Variants in UGT1A9 observed in about 807,000 individuals in gnomAD.
UGT1A9 encodes the protein UDP glucuronosyltransferase family 1 member A9.
Under a neutral mutation model 45.0 loss-of-function variants are expected in UGT1A9, and 35 were observed. That is an observed-to-expected ratio of 0.78 (90% confidence interval 0.59 to 1.03). The LOEUF is 1.03. Among genes scored for constraint, UGT1A9 ranks in the 50% least tolerant of loss-of-function variants. UGT1A9 has a pLI of 0.00. For missense variants in UGT1A9, 687 were observed against 666.6 expected (o/e 1.03, Z -0.34); for synonymous variants, 278 against 250.6 (o/e 1.11, Z -1.03).
At chr2:233,697,112 T>C (rs1309108464) in intron 1 of UGT1A9, among the ~76,000 whole-genome samples, 2 of 152,140 alleles carry the variant, frequency 1.3e-5, no homozygotes, top group African/African-American at 2.4e-5. Context: ...TTGGAAGTAT[T>C]CTCTCCTCTT....
chr2:233,718,010 G>A lies in UGT1A9; in HGVS notation c.855+45221G>A, dbSNP rs28898608. On this transcript the variant is annotated intron_variant, in intron 1 of 4. Transcript: ENST00000354728. ...CAGACTGTGCAAGATCTGAGGCCAG[G>A]CTCCAGCTCCCCAGGTCCTTTGGTG... The A allele has an allele frequency of 4.4e-3, 1,784 of 402,414 alleles. 38 individuals carry two copies. Among genetic ancestry groups the A allele is most frequent in the African/African-American group, 0.033 (1,616 of 48,364 alleles). The allele number at this position is 402,414 out of a possible 1,614,324, so 24.9% of individuals were successfully genotyped here. A position where few individuals can be genotyped will look rare whatever the true frequency, so the allele number is the denominator to read the frequency against.
intron 1 of UGT1A9, among the ~76,000 whole-genome samples, chr2:233,680,544 G>A (rs10197460): frequency 1.3e-5 from 2 of 151,952 alleles, no homozygotes; most frequent in South Asian, 4.2e-4. Flanking sequence ...AATCCCTCAC[G>A]AAATGCTCCT....
At chr2:233,734,096 T>G (rs1379771064) in intron 1 of UGT1A9, among the ~76,000 whole-genome samples, 5 of 151,518 alleles carry the variant, frequency 3.3e-5, no homozygotes, top group African/African-American at 9.8e-5. Context: ...CCCTAAAACT[T>G]AAAGTATAAT....
At position 233,768,314 on chromosome 2, in the gene UGT1A9, G is replaced by T. The variant is rs1430980091; in HGVS notation, c.1170G>T (p.Leu390Phe). The T allele has an allele frequency of 6.2e-7, 1 of 1,614,062 alleles. No individual in the cohort carries two copies. The highest frequency in any genetic ancestry group is 8.5e-7 in the Non-Finnish European group (1 of 1,180,048). Residue 390 changes from leucine (L) to phenylalanine (F), a missense_variant, in exon 4 of 5, where the codon TTG becomes TTT. Leu to Phe is a conservative substitution (Grantham distance 22). Transcript: ENST00000354728. ...CNGVPMVMMP[L>F]FGDQMDNAKR... is the part of the protein sequence containing the mutation. ...GCGTTCCCATGGTGATGATGCCCTT[G>T]TTTGGTGATCAGATGGACAATGCAA...
chr2:233,678,743 A>G (rs1467828887), intron 1 of UGT1A9, among the ~76,000 whole-genome samples: 1 of 148,264 alleles, frequency 6.7e-6, no homozygotes, highest in Non-Finnish European at 1.5e-5. Flanking sequence ...CTGATTGGAA[A>G]GCACTCATCT....
rs745603293 is a variant in UGT1A9, at chr2:233,772,357, G to A, written c.1391G>A (p.Arg464Lys). Residue 464 changes from arginine (R) to lysine (K), a missense_variant, in exon 5 of 5, where the codon AGG becomes AAG. Coordinates refer to ENST00000354728, the MANE Select transcript of UGT1A9 (RefSeq NM_021027.3). ...LAVFWVEFVM[R>K]HKGAPHLRPA... The stretch of plus-strand genomic sequence containing the variant: ...GTGTTCTGGGTGGAGTTTGTGATGA[G>A]GCACAAGGGCGCGCCACACCTGCGC... The A allele has an allele frequency of 1.4e-5, 22 of 1,614,268 alleles. No individual in the cohort carries two copies. The highest frequency in any genetic ancestry group is 1.8e-5 in the Non-Finnish European group (21 of 1,180,054).
intron 1 of UGT1A9, chr2:233,692,920 GT>G: frequency 6.4e-7 from 1 of 1,571,834 alleles, no homozygotes; most frequent in Non-Finnish European, 8.6e-7. Flanking sequence ...AAAAGCAGTG[GT>G]TAGTTTAGGG....
At chr2:233,751,729 C>G (rs1442411823) in intron 1 of UGT1A9, among the ~76,000 whole-genome samples, 1 of 152,154 alleles carries the variant, frequency 6.6e-6, no homozygotes, top group South Asian at 2.1e-4. Flanking sequence ...TGAACTCTTC[C>G]TCTCTGTTTC....
At chr2:233,760,458 A>C (rs1336419159) in intron 1 of UGT1A9, 1 of 1,614,212 alleles carries the variant, frequency 6.2e-7, no homozygotes, top group South Asian at 1.1e-5. Context: ...GACATGAAAT[A>C]GTTGTCCTAG....
chr2:233,739,341 C>T (rs1254802049), intron 1 of UGT1A9, among the ~76,000 whole-genome samples: 1 of 152,148 alleles, frequency 6.6e-6, no homozygotes, highest in Non-Finnish European at 1.5e-5. Flanking sequence ...TCCTTCAGAA[C>T]CCAGAAGGGC....
Position 233,760,677 on chromosome 2 carries a change from A to T in UGT1A9, c.856-6357A>T, listed in dbSNP as rs555950591. 1.9e-6 allele frequency: 3 copies of T among 1,614,148 alleles called. No individual in the cohort carries two copies. The African/African-American group carries it at 4.0e-5, about 22-fold the overall frequency. On this transcript the variant is annotated intron_variant, in intron 1 of 4. Transcript: ENST00000354728. ...TGCTTTTGTCTGGCTGTTCCCACTT[A>T]CTGCACAACAAGGAGCTCATGGCCT...
At chr2:233,718,734 T>C (rs2076679363) in intron 1 of UGT1A9, 3 of 1,611,626 alleles carry the variant, frequency 1.9e-6, no homozygotes, top group Non-Finnish European at 2.5e-6. Context: ...GCTAGGTGGC[T>C]CAATGACAAG....
At chr2:233,761,005 A>G (rs1292729265) in intron 1 of UGT1A9, 1 of 1,614,128 alleles carries the variant, frequency 6.2e-7, no homozygotes, top group South Asian at 1.1e-5. Context: ...ATTCCTTCAG[A>G]GAGAGGTGAC....
chr2:233,770,092 A>G (rs969996398), intron 4 of UGT1A9: 1 of 152,744 alleles, frequency 6.5e-6, no homozygotes, highest in Non-Finnish European at 1.5e-5. Flanking sequence ...AGTGGTATAG[A>G]TAACTACTTG....
chr2:233,715,826 A>AT (rs1221797206), intron 1 of UGT1A9, among the ~76,000 whole-genome samples: 3 of 152,148 alleles, frequency 2.0e-5, no homozygotes, highest in African/African-American at 4.8e-5. Flanking sequence ...GTTAGAAAAC[A>AT]TTTTTTTAAA....
rs745537470 is a variant in UGT1A9, at chr2:233,755,045, G to A, written c.856-11989G>A. ...TGAAGGGCCTGCCGCCTGCGCAGCC[G>A]CCCTCCGCCCTCGCCTCGCCATAGC... On this transcript the variant is annotated intron_variant, in intron 1 of 4. Transcript: ENST00000354728. 1.4e-5 allele frequency: 18 copies of A among 1,325,360 alleles called. No individual in the cohort carries two copies. The East Asian group carries it at 1.4e-4, about 10-fold the overall frequency. 82.1% of individuals were successfully genotyped at this position (1,325,360 alleles called of 1,614,324 possible). A position where few individuals can be genotyped will look rare whatever the true frequency, so the allele number is the denominator to read the frequency against.
intron 1 of UGT1A9, among the ~76,000 whole-genome samples, chr2:233,757,354 A>G (rs1200250892): frequency 1.3e-5 from 2 of 150,876 alleles, no homozygotes; most frequent in Non-Finnish European, 2.9e-5. Flanking sequence ...GGTCTGAGAG[A>G]CAGTGGTAGA....
At chr2:233,690,632 T>C (rs971639423) in intron 1 of UGT1A9, 1 of 1,287,656 alleles carries the variant, frequency 7.8e-7, no homozygotes, top group Non-Finnish European at 1.0e-6. Context: ...AAGTGATACC[T>C]GAGGACACCT....
At chr2:233,727,115 G>A (rs1162541205) in intron 1 of UGT1A9, among the ~76,000 whole-genome samples, 1 of 152,220 alleles carries the variant, frequency 6.6e-6, no homozygotes, top group Non-Finnish European at 1.5e-5. Context: ...TTAGGTCTGT[G>A]AGATTGGCAG....
Sources: gnomAD v4.1 joint callset for allele counts (sites outside exome capture counted in the v4.1 genomes callset) on GRCh38, gnomAD v4.1.1 for gene constraint, MANE v1.5 for transcripts, NCBI Gene and HGNC (gene_info 2026-07-23, HGNC 2026-07-21) for gene names.